Variants in DACH2 observed in about 807,000 individuals in gnomAD.
DACH2 encodes the protein dachshund family transcription factor 2.
DACH2 carries 17 observed loss-of-function variants against 35.8 expected under a neutral mutation model. The ratio of observed to expected loss-of-function variants is 0.48; its 90% CI spans 0.33 to 0.71. The LOEUF is 0.71. DACH2 is among the 30% of genes least tolerant of loss of function. The pLI is 0.02. For synonymous variants in DACH2, 195 were observed against 177.3 expected (o/e 1.10, Z -0.79); for missense variants, 469 against 472.7 (o/e 0.99, Z 0.07).
At chrX:86,328,727 G>GTC (rs903259503) in intron 1 of DACH2, among the ~76,000 whole-genome samples, 5 of 111,735 alleles carry the variant, frequency 4.5e-5, no homozygotes, top group African/African-American at 6.5e-5. Flanking sequence ...TAGATTTCAA[G>GTC]TCATTCACCT....
chrX:86,435,065 C>A lies in DACH2; in HGVS notation c.527+58203C>A, dbSNP rs1305353701. Among the ~76,000 whole-genome samples, 24 of 111,378 alleles carry A rather than the reference C, an allele frequency of 2.2e-4. 1 individual carries two copies. The Admixed American group carries it at 2.3e-3, about 11-fold the overall frequency. The stretch of plus-strand genomic sequence containing the variant: ...GAGGGATCTACTCCCATGACCCTAA[C>A]ACTGCCCACTAGGCCCCATCTCCAG... On this transcript the variant is annotated intron_variant, in intron 2 of 11. Transcript: ENST00000373125.
At position 86,540,072 on chromosome X, in the gene DACH2, T is replaced by C. The variant is rs140295142; in HGVS notation, c.640+25681T>C. On this transcript the variant is annotated intron_variant, in intron 3 of 11. Transcript: ENST00000373125. ...TCAAACTAAAAAATTCAAAATAATGTTATGTTTAGCTATGATAAACTCAAT... is the reference window on the plus strand; with the variant it reads ...TCAAACTAAAAAATTCAAAATAATGCTATGTTTAGCTATGATAAACTCAAT... Among the ~76,000 whole-genome samples, 86 of 111,993 alleles carry C rather than the reference T, an allele frequency of 7.7e-4. No individual in the cohort carries two copies. In the East Asian group the frequency reaches 0.015, roughly 20 times the overall value.
chrX:86,396,258 G>C (rs1403169673), intron 2 of DACH2, among the ~76,000 whole-genome samples: 2 of 105,314 alleles, frequency 1.9e-5, no homozygotes, highest in South Asian at 4.4e-4. Context: ...TTGTAAATTT[G>C]TTTGAGTTCA....
intron 6 of DACH2, among the ~76,000 whole-genome samples, chrX:86,733,605 T>C (rs2041558570): frequency 8.9e-6 from 1 of 111,880 alleles, no homozygotes; most frequent in Non-Finnish European, 1.9e-5. Context: ...TGTTTGACAT[T>C]TAAGTGTCTT....
At chrX:86,183,800 G>T (rs777822749) in intron 1 of DACH2, among the ~76,000 whole-genome samples, 1 of 111,308 alleles carries the variant, frequency 9.0e-6, no homozygotes, top group African/African-American at 3.3e-5. Context: ...GAATCCGTCC[G>T]GTCTTGGGCT....
intron 6 of DACH2, among the ~76,000 whole-genome samples, chrX:86,734,703 G>A (rs2041576731): frequency 9.0e-6 from 1 of 111,092 alleles, no homozygotes; most frequent in African/African-American, 3.3e-5. Context: ...GCTTCCAATA[G>A]TATTTAGATA....
At chrX:86,401,594 G>T (rs180982474) in intron 2 of DACH2, among the ~76,000 whole-genome samples, 1,786 of 110,789 alleles carry the variant, frequency 0.016, 18 homozygotes, top group Non-Finnish European at 0.026. Flanking sequence ...CTTGGCTTTT[G>T]CATAAATAGG....
chrX:86,360,839 A>G (rs934246645), intron 1 of DACH2, among the ~76,000 whole-genome samples: 10 of 111,030 alleles, frequency 9.0e-5, no homozygotes, highest in Non-Finnish European at 1.3e-4. Context: ...TGAAACTTAT[A>G]TATTAAATAA....
chrX:86,213,346 C>T (rs113960321), intron 1 of DACH2, among the ~76,000 whole-genome samples: 7,321 of 110,944 alleles, frequency 0.066, 599 homozygotes, highest in African/African-American at 0.22. Flanking sequence ...CTGCTCATAA[C>T]AATTTTGAGT....
At chrX:86,494,100 A>G (rs770339146) in intron 2 of DACH2, among the ~76,000 whole-genome samples, 1 of 111,879 alleles carries the variant, frequency 8.9e-6, no homozygotes, top group Non-Finnish European at 1.9e-5. Flanking sequence ...TGGCCTGGCC[A>G]TTGTTGATCG....
rs933474943 is a variant in DACH2 at position 86,681,303 on chromosome X, T to G, written c.773-13718T>G. On this transcript the variant is annotated intron_variant, in intron 4 of 11. Coordinates refer to ENST00000373125, the MANE Select transcript of DACH2 (RefSeq NM_053281.3). ...CAGGAATTGAGTATAATAAAAACAG[T>G]GTTTAAAAAGTTTTCTCGGCCAGCT... Among the ~76,000 whole-genome samples, 5 of 111,073 alleles carry G rather than the reference T, an allele frequency of 4.5e-5. No homozygotes were observed. The Admixed American group carries it at 4.8e-4, about 11-fold the overall frequency.
chrX:86,350,048 G>A (rs746779756), intron 1 of DACH2, among the ~76,000 whole-genome samples: 1 of 111,442 alleles, frequency 9.0e-6, no homozygotes, highest in South Asian at 3.8e-4. Flanking sequence ...CATGCCTGTA[G>A]TCCCAGCTAC....
intron 1 of DACH2, among the ~76,000 whole-genome samples, chrX:86,186,942 A>C (rs1436770163): frequency 8.9e-6 from 1 of 111,905 alleles, no homozygotes; most frequent in Non-Finnish European, 1.9e-5. Flanking sequence ...TAGTCTCATA[A>C]TAACTAAATG....
chrX:86,309,693 G>T (rs767144285), intron 1 of DACH2, among the ~76,000 whole-genome samples: 360 of 112,174 alleles, frequency 3.2e-3, no homozygotes, highest in Middle Eastern at 4.6e-3. Context: ...TCTGTGGTTT[G>T]GGGCCTGTTG....
intron 1 of DACH2, among the ~76,000 whole-genome samples, chrX:86,372,231 A>G (rs1302579413): frequency 9.0e-6 from 1 of 111,368 alleles, no homozygotes; most frequent in East Asian, 2.8e-4. Context: ...GTCAACTTCA[A>G]AGGTCAAAGA....
At chrX:86,175,415 A>G (rs1454310951) in intron 1 of DACH2, among the ~76,000 whole-genome samples, 1 of 111,652 alleles carries the variant, frequency 9.0e-6, no homozygotes. Context: ...TGTTTAAGAA[A>G]GAATAAGAGG....
chrX:86,401,961 A>C (rs1420514739), intron 2 of DACH2, among the ~76,000 whole-genome samples: 5 of 111,988 alleles, frequency 4.5e-5, no homozygotes, highest in Non-Finnish European at 9.4e-5. Flanking sequence ...TAGATGCACA[A>C]AAAGCTTTAG....
chrX:86,601,515 G>A (rs2148358985), intron 3 of DACH2, among the ~76,000 whole-genome samples: 1 of 111,782 alleles, frequency 8.9e-6, no homozygotes, highest in Admixed American at 9.5e-5. Flanking sequence ...GGCTAATATG[G>A]TAACCACTAG....
intron 2 of DACH2, among the ~76,000 whole-genome samples, chrX:86,425,515 C>G (rs1487567327): frequency 2.7e-5 from 3 of 110,862 alleles, no homozygotes; most frequent in Non-Finnish European, 5.7e-5. Flanking sequence ...TCTGTGGTAT[C>G]ATTTGTTATG....
Sources: allele counts gnomAD v4.1 joint callset (sites outside exome capture counted in the v4.1 genomes callset), GRCh38; gene constraint gnomAD v4.1.1; transcripts MANE v1.5; gene names NCBI Gene and HGNC (gene_info 2026-07-23, HGNC 2026-07-21).